Variants in ADAMTS19 observed in about 807,000 individuals in gnomAD.
ADAMTS19 encodes ADAM metallopeptidase with thrombospondin type 1 motif 19.
A neutral mutation model predicts 153.3 loss-of-function variants in ADAMTS19; 93 were observed. That is an observed-to-expected ratio of 0.61 (90% CI 0.51 to 0.72). The LOEUF (loss-of-function observed/expected upper bound fraction) is 0.72. ADAMTS19 is among the 30% of genes least tolerant of loss of function. ADAMTS19 has a pLI of 0.00. For synonymous variants in ADAMTS19, 600 were observed against 556.6 expected, an observed-to-expected ratio of 1.08 and a Z score of -1.10; for missense variants, 1,482 against 1,552.1, an observed-to-expected ratio of 0.95 and a Z score of 0.76.
intron 18 of ADAMTS19, among the ~76,000 whole-genome samples, chr5:129,690,180 T>A (rs747863574): frequency 5.3e-5 from 8 of 152,180 alleles, no homozygotes; most frequent in Non-Finnish European, 1.2e-4. Flanking sequence ...TCACAGTCCA[T>A]CTAGTGGAAG....
intron 21 of ADAMTS19, among the ~76,000 whole-genome samples, chr5:129,718,542 T>G (rs1756832644): frequency 6.6e-6 from 1 of 152,162 alleles, no homozygotes; most frequent in Admixed American, 6.5e-5. Context: ...CTTTTGTTCT[T>G]TAGTATGCTT....
At chr5:129,522,316 T>TACACAC (rs1186259435) in intron 3 of ADAMTS19, among the ~76,000 whole-genome samples, 24 of 91,936 alleles carry the variant, frequency 2.6e-4, no homozygotes, top group East Asian at 7.3e-4. Flanking sequence ...TATATATATA[T>TACACAC]ACACACACAC....
At chr5:129,460,579 G>T in intron 1 of ADAMTS19, 97 bp downstream of exon 1, 1 of 1,369,968 alleles carries the variant, frequency 7.3e-7, no homozygotes, top group Non-Finnish European at 1.0e-6. Flanking sequence ...GGTGCGTGGA[G>T]AGCAGGGCTC....
intron 16 of ADAMTS19, among the ~76,000 whole-genome samples, chr5:129,668,289 A>T (rs2902316): frequency 0.16 from 24,586 of 152,188 alleles, 2,522 homozygotes; most frequent in African/African-American, 0.3. Context: ...TCTTCAACTT[A>T]ATATCTGTAA....
At chr5:129,597,702 C>T (rs916390162) in intron 8 of ADAMTS19, among the ~76,000 whole-genome samples, 6 of 151,770 alleles carry the variant, frequency 4.0e-5, no homozygotes, top group African/African-American at 1.2e-4. Flanking sequence ...ATCAAGAGAT[C>T]GAGACCATCC....
intron 21 of ADAMTS19, among the ~76,000 whole-genome samples, chr5:129,720,922 T>C (rs183865699): frequency 6.6e-6 from 1 of 152,310 alleles, no homozygotes; most frequent in East Asian, 1.9e-4. Context: ...TCACATAAAT[T>C]TCTACGTATG....
In ADAMTS19 at chr5:129,732,168, C is replaced by A. The variant is rs530120782; in HGVS notation, c.3313-2764C>A. On this transcript the variant is annotated intron_variant, in intron 21 of 22. Coordinates refer to ENST00000274487, the MANE Select transcript of ADAMTS19 (RefSeq NM_133638.6). ...AACATTTAGTTGAAATGCAAGAAAT[C>A]GGTTAAAAGTGCACTTGATTAATAA... 2.0e-5 allele frequency among the ~76,000 whole-genome samples: 3 copies of A among 151,994 alleles called. No individual in the cohort carries two copies. In the South Asian group the frequency reaches 6.2e-4, roughly 32 times the overall value.
intron 2 of ADAMTS19, among the ~76,000 whole-genome samples, chr5:129,486,165 G>A (rs1580997088): frequency 6.6e-6 from 1 of 152,158 alleles, no homozygotes; most frequent in African/African-American, 2.4e-5. Context: ...GGTAAACTTT[G>A]TCAAACATCT....
intron 8 of ADAMTS19, among the ~76,000 whole-genome samples, chr5:129,600,527 T>C (rs954264852): frequency 2.6e-5 from 4 of 152,200 alleles, no homozygotes; most frequent in African/African-American, 9.6e-5. Flanking sequence ...GTTTGTTGAC[T>C]TGAATTTGAT....
intron 7 of ADAMTS19, among the ~76,000 whole-genome samples, chr5:129,561,415 G>C (rs1437139957): frequency 1.3e-5 from 2 of 152,062 alleles, no homozygotes; most frequent in Non-Finnish European, 2.9e-5. Context: ...TGTAGTCCCA[G>C]CTACTCGGGA....
rs776240139 is a variant in ADAMTS19, at chr5:129,620,878, G to C, written c.1619+120G>C. ...CACCAGAGTAAAACTGAAGGTACTT[G>C]GTTCCAATCCTGGCTTTTCCATTAA... On this transcript the variant is annotated intron_variant, in intron 9 of 22. Transcript: ENST00000274487. 3.8e-6 allele frequency: 4 copies of C among 1,048,574 alleles called. No homozygotes were observed. The South Asian group carries it at 9.1e-5, about 24-fold the overall frequency. The allele number at this position is 1,048,574 out of a possible 1,614,324, so 65.0% of individuals were successfully genotyped here.
In ADAMTS19 at chr5:129,735,024, A is replaced by C. The variant is rs1380621903; in HGVS notation, c.3405A>C (p.Ser1135=). ...TGRHGNECFS[S]EKPAAYRPCH... is the part of the protein sequence containing the mutation. ...GACATGGAAATGAATGTTTTTCCTC[A>C]GAAAAACCTGCAGCATACAGGCCAT... is the stretch of plus-strand genomic sequence containing the variant. The change falls in exon 22 of 23, where the codon TCA becomes TCC. Residue 1135 remains serine, a synonymous_variant. Transcript: ENST00000274487. The C allele has an allele frequency of 6.2e-7, 1 of 1,612,226 alleles. No individual in the cohort carries two copies. Among genetic ancestry groups the C allele is most frequent in the South Asian group, 1.1e-5 (1 of 90,912 alleles).
intron 11 of ADAMTS19, among the ~76,000 whole-genome samples, chr5:129,644,372 A>G (rs985353342): frequency 2.0e-5 from 3 of 152,196 alleles, no homozygotes; most frequent in Non-Finnish European, 2.9e-5. Context: ...GCAACCTCAC[A>G]CCAAACACTG....
chr5:129,731,973 C>T (rs965271384), intron 21 of ADAMTS19, among the ~76,000 whole-genome samples: 3 of 152,148 alleles, frequency 2.0e-5, no homozygotes, highest in Middle Eastern at 3.4e-3. Context: ...TCCCCTCTTA[C>T]ATATAGTTTT....
In ADAMTS19 at chr5:129,539,536, A is replaced by G. The variant is rs7713653; in HGVS notation, c.1328+10859A>G. ...TGTTTTAAGCCACTAAGTTCATGGT[A>G]ATCTGTTATAGCAGCAATCGGAAAC... is the stretch of plus-strand genomic sequence containing the variant. On this transcript the variant is annotated intron_variant, in intron 6 of 22. Transcript: ENST00000274487. 9.3e-3 allele frequency among the ~76,000 whole-genome samples: 1,414 copies of G among 152,194 alleles called. 19 individuals carry two copies. The highest frequency in any genetic ancestry group is 0.031 in the African/African-American group (1,298 of 41,550).
At chr5:129,472,003 G>T (rs939745945) in intron 2 of ADAMTS19, among the ~76,000 whole-genome samples, 3 of 152,184 alleles carry the variant, frequency 2.0e-5, no homozygotes, top group African/African-American at 7.2e-5. Context: ...GTATAGTGCT[G>T]CAATGAACTC....
At chr5:129,591,339 C>T (rs1192217342) in intron 7 of ADAMTS19, among the ~76,000 whole-genome samples, 1 of 150,734 alleles carries the variant, frequency 6.6e-6, no homozygotes, top group African/African-American at 2.5e-5. Flanking sequence ...ATTGCCCAGG[C>T]TGAAGTGCAG....
At chr5:129,466,025 C>T (rs1231542888) in intron 2 of ADAMTS19, among the ~76,000 whole-genome samples, 6 of 152,180 alleles carry the variant, frequency 3.9e-5, no homozygotes, top group African/African-American at 9.7e-5. Context: ...TGAGCAGAAA[C>T]GTACCTAGAA....
Position 129,462,086 on chromosome 5 carries a change from C to A in ADAMTS19, c.747+329C>A, listed in dbSNP as rs185111812. 1.4e-3 allele frequency among the ~76,000 whole-genome samples: 215 copies of A among 152,314 alleles called. 1 individual carries two copies. Among genetic ancestry groups the A allele is most frequent in the Non-Finnish European group, 1.6e-3 (107 of 68,036 alleles). On this transcript the variant is annotated intron_variant, in intron 2 of 22. Transcript: ENST00000274487. ...GTTCTCCAGAGTTTTCCAAACTAAG[C>A]GCTCCACGTGATGTCTTTTAGGAAC...
Sources: allele counts gnomAD v4.1 joint callset (sites outside exome capture counted in the v4.1 genomes callset), GRCh38; gene constraint gnomAD v4.1.1; transcripts MANE v1.5; gene names NCBI Gene and HGNC (gene_info 2026-07-23, HGNC 2026-07-21).